The following PRR16 variants were observed in gnomAD, a reference collection of about 807,000 sequenced individuals.
PRR16 encodes the protein protein Largen.
In PRR16, 6 loss-of-function variants were observed where a neutral mutation model predicts 18.2. The ratio of observed to expected loss-of-function variants is 0.33; its 90% confidence interval spans 0.18 to 0.65. PRR16 has a LOEUF of 0.65. PRR16 is among the 30% of genes least tolerant of loss of function. The pLI is 0.74. For missense variants in PRR16, 412 were observed against 376.6 expected (o/e 1.09, Z -0.78); for synonymous variants, 151 against 147.8 (o/e 1.02, Z -0.16).
intron 1 of PRR16, among the ~76,000 whole-genome samples, chr5:120,473,682 G>C (rs1042249830): frequency 6.6e-6 from 1 of 152,082 alleles, no homozygotes; most frequent in Non-Finnish European, 1.5e-5. Flanking sequence ...TGTACACCAG[G>C]CACTGTTCTA....
At chr5:120,763,733 CA>C in the PRR16 span, among the ~76,000 whole-genome samples, 4 of 151,996 alleles carry the variant, frequency 2.6e-5, no homozygotes, top group African/African-American at 9.7e-5. Flanking sequence ...TTTCTTTCAT[CA>C]GTTTTTTGTA....
intron 1 of PRR16, among the ~76,000 whole-genome samples, chr5:120,522,357 A>G (rs557902641): frequency 6.6e-6 from 1 of 152,040 alleles, no homozygotes; most frequent in African/African-American, 2.4e-5. Flanking sequence ...TTTTAATGAT[A>G]GCCATTCTAA....
chr5:120,536,372 C>T (rs1396174394), intron 1 of PRR16, among the ~76,000 whole-genome samples: 1 of 152,194 alleles, frequency 6.6e-6, no homozygotes, highest in Non-Finnish European at 1.5e-5. Flanking sequence ...TTGTAGTCAC[C>T]TCTTTTTTAG....
intron 1 of PRR16, chr5:120,618,353 T>C: frequency 1.9e-6 from 1 of 515,450 alleles, no homozygotes; most frequent in Non-Finnish European, 2.5e-6. Context: ...TAAATAAAAT[T>C]TCTATATTAG....
the PRR16 span, among the ~76,000 whole-genome samples, chr5:120,727,105 C>T: frequency 1.3e-5 from 2 of 151,940 alleles, no homozygotes; most frequent in African/African-American, 2.4e-5. Flanking sequence ...CTTTCTGTCC[C>T]GAAATTTTCT....
intron 1 of PRR16, among the ~76,000 whole-genome samples, chr5:120,615,110 T>C (rs2405957): frequency 0.44 from 67,339 of 151,916 alleles, 15,737 homozygotes; most frequent in East Asian, 0.83. Context: ...GTGAAATTCT[T>C]TCCATATATT....
chr5:120,786,826 ATTAAC>A, the PRR16 span, among the ~76,000 whole-genome samples: 2 of 152,048 alleles, frequency 1.3e-5, no homozygotes. Context: ...ACATAAATTA[ATTAAC>A]TTGACATTTA....
At chr5:120,731,451 T>C in the PRR16 span, among the ~76,000 whole-genome samples, 2 of 152,078 alleles carry the variant, frequency 1.3e-5, no homozygotes, top group Non-Finnish European at 2.9e-5. Flanking sequence ...ATACTTTTTC[T>C]CAAGTCCACA....
intron 1 of PRR16, among the ~76,000 whole-genome samples, chr5:120,519,779 G>T (rs1324629921): frequency 6.6e-6 from 1 of 152,058 alleles, no homozygotes; most frequent in African/African-American, 2.4e-5. Context: ...ATATGTGCCA[G>T]ATATTTTGGG....
chr5:120,759,379 TAG>T, the PRR16 span, among the ~76,000 whole-genome samples: 11 of 152,164 alleles, frequency 7.2e-5, no homozygotes, highest in East Asian at 1.9e-3. Context: ...ATTTATCTTA[TAG>T]AGATTTGTAT....
chr5:120,646,473 G>A (rs1755606643), intron 1 of PRR16, among the ~76,000 whole-genome samples: 1 of 151,906 alleles, frequency 6.6e-6, no homozygotes, highest in Non-Finnish European at 1.5e-5. Flanking sequence ...AATCAGGAAA[G>A]CTCAGACACT....
the PRR16 span, among the ~76,000 whole-genome samples, chr5:120,696,172 G>A: frequency 3.3e-5 from 5 of 152,268 alleles, no homozygotes; most frequent in African/African-American, 1.2e-4. Context: ...AACCCAGGAG[G>A]TGGAGGTTGC....
At chr5:120,549,474 G>T (rs772499341) in intron 1 of PRR16, among the ~76,000 whole-genome samples, 1 of 151,910 alleles carries the variant, frequency 6.6e-6, no homozygotes, top group African/African-American at 2.4e-5. Flanking sequence ...ATTGGAAGTG[G>T]CTCTCTGTGG....
At chr5:120,789,230 C>A in the PRR16 span, among the ~76,000 whole-genome samples, 1 of 151,996 alleles carries the variant, frequency 6.6e-6, no homozygotes, top group African/African-American at 2.4e-5. Context: ...GTGTAAGCAT[C>A]AATATTCTTT....
intron 1 of PRR16, among the ~76,000 whole-genome samples, chr5:120,676,540 G>T (rs1472599032): frequency 6.6e-6 from 1 of 151,304 alleles, no homozygotes; most frequent in African/African-American, 2.4e-5. Context: ...GTGTGTGTGT[G>T]TGTGTGTGCG....
chr5:120,693,616 A>G, the PRR16 span, among the ~76,000 whole-genome samples: 1 of 152,188 alleles, frequency 6.6e-6, no homozygotes, highest in Admixed American at 6.5e-5. Flanking sequence ...TTTTTATAAT[A>G]TCTTCTAGAT....
the PRR16 span, among the ~76,000 whole-genome samples, chr5:120,747,587 C>T: frequency 2.6e-5 from 4 of 152,140 alleles, no homozygotes; most frequent in East Asian, 1.9e-4. Context: ...ACTAAGAAAG[C>T]TACCCTTGGC....
At chr5:120,768,737 A>G in the PRR16 span, among the ~76,000 whole-genome samples, 1 of 151,788 alleles carries the variant, frequency 6.6e-6, no homozygotes, top group Non-Finnish European at 1.5e-5. Context: ...GTCAAAAAAT[A>G]TTTGAAAGGA....
At chr5:120,536,950 C>G (rs753022096) in intron 1 of PRR16, among the ~76,000 whole-genome samples, 3 of 152,150 alleles carry the variant, frequency 2.0e-5, no homozygotes, top group Non-Finnish European at 4.4e-5. Flanking sequence ...GAACAGAAAA[C>G]CAAATACTGC....
Sources: gnomAD v4.1 joint callset for allele counts (sites outside exome capture counted in the v4.1 genomes callset) on GRCh38, gnomAD v4.1.1 for gene constraint, MANE v1.5 for transcripts, NCBI Gene and HGNC (gene_info 2026-07-23, HGNC 2026-07-21) for gene names.